The following UBA2 variants were observed in gnomAD, a reference collection of about 807,000 sequenced individuals.
UBA2 encodes SUMO-activating enzyme subunit 2.
UBA2 carries 11 observed loss-of-function variants against 77.2 expected under a neutral mutation model. That is an observed-to-expected ratio of 0.14 (90% CI 0.09 to 0.24). UBA2 has a LOEUF of 0.24. Ranked by LOEUF, UBA2 falls within the 10% of genes least tolerant of loss-of-function variation. UBA2 has a pLI of 1.00. For synonymous variants in UBA2, 278 were observed against 276.7 expected (o/e 1.00, Z -0.05); for missense variants, 487 against 781.7 (o/e 0.62, Z 4.50).
At position 34,450,288 on chromosome 19, in the gene UBA2, T is replaced by C. The variant is rs2075478398; in HGVS notation, c.795T>C (p.Tyr265=). Residue 265 remains tyrosine (Y), a synonymous_variant, in exon 9 of 17, where the codon TAT becomes TAC. Transcript: ENST00000246548. ...AGCTTTTTAAAGATGACATCAGGTATCTGTTGACAATGGACAAACTATGGC... is the reference window on the plus strand; with the variant it reads ...AGCTTTTTAAAGATGACATCAGGTACCTGTTGACAATGGACAAACTATGGC... ...FTKLFKDDIR[Y]LLTMDKLWRK... is the part of the protein sequence containing the mutation. 1.9e-6 allele frequency: 3 copies of C among 1,611,272 alleles called. No individual in the cohort carries two copies. The South Asian group carries it at 3.3e-5, about 18-fold the overall frequency.
intron 5 of UBA2, among the ~76,000 whole-genome samples, chr19:34,435,678 A>T (rs2075300598): frequency 6.6e-6 from 1 of 152,042 alleles, no homozygotes; most frequent in African/African-American, 2.4e-5. Flanking sequence ...AAAAATACAA[A>T]AATTAGCTGG....
At chr19:34,436,347 TGCAG>T (rs1401518886) in intron 5 of UBA2, among the ~76,000 whole-genome samples, 4 of 152,120 alleles carry the variant, frequency 2.6e-5, no homozygotes, top group Non-Finnish European at 5.9e-5. Context: ...TTGCCCAGGC[TGCAG>T]TGCAGTGGCG....
intron 15 of UBA2, among the ~76,000 whole-genome samples, chr19:34,464,557 T>TA (rs11284248): frequency 0.04 from 5,670 of 141,402 alleles, 172 homozygotes; most frequent in Admixed American, 0.11. Context: ...GACTCCAACT[T>TA]AAAAAAAAAA....
chr19:34,440,803 A>G (rs902638719), intron 6 of UBA2, among the ~76,000 whole-genome samples: 1 of 151,856 alleles, frequency 6.6e-6, no homozygotes, highest in South Asian at 2.1e-4. Flanking sequence ...GTGGGCGCCT[A>G]TAATCCCAGC....
At chr19:34,460,279 G>T (rs535232955) in intron 13 of UBA2, among the ~76,000 whole-genome samples, 191 bp from the exon 14 acceptor site, 39 of 152,320 alleles carry the variant, frequency 2.6e-4, no homozygotes, top group Non-Finnish European at 5.3e-4. Flanking sequence ...TGCATCAGTG[G>T]TCAGATGTGG....
At chr19:34,453,636 A>C (rs181356652) in intron 10 of UBA2, among the ~76,000 whole-genome samples, 96 of 148,804 alleles carry the variant, frequency 6.5e-4, no homozygotes, top group Non-Finnish European at 1.2e-3. Context: ...TGATCCCGCC[A>C]CCTCAGGCTC....
intron 5 of UBA2, among the ~76,000 whole-genome samples, chr19:34,436,606 C>T (rs1317885431): frequency 6.6e-6 from 1 of 152,136 alleles, no homozygotes; most frequent in Non-Finnish European, 1.5e-5. Flanking sequence ...GCACATATCT[C>T]AGTTTTTAAA....
At position 34,450,336 on chromosome 19, in the gene UBA2, G is replaced by A. The variant is rs749383552; in HGVS notation, c.843G>A (p.Pro281=). ...GGCGGAAAAGGAAACCTCCAGTTCC[G>A]TTGGACTGGGCTGAAGTACAAAGTC... is the stretch of plus-strand genomic sequence containing the variant. The part of the protein sequence containing the change: ...KLWRKRKPPV[P]LDWAEVQSQG... Residue 281 remains proline (P), a synonymous_variant, in exon 9 of 17, where the codon CCG becomes CCA. Transcript: ENST00000246548. 9.3e-6 allele frequency: 15 copies of A among 1,609,166 alleles called. No homozygotes were observed. The highest frequency in any genetic ancestry group is 1.3e-5 in the African/African-American group (1 of 74,680).
intron 7 of UBA2, 137 bp downstream of exon 7, chr19:34,444,048 T>TGG (rs1448237811): frequency 5.9e-6 from 1 of 169,758 alleles, no homozygotes; most frequent in Non-Finnish European, 1.2e-5. Flanking sequence ...TTTTTTGTTT[T>TGG]TTTTTTTTTT....
intron 6 of UBA2, among the ~76,000 whole-genome samples, chr19:34,441,771 A>G (rs1375489609): frequency 1.3e-5 from 2 of 151,760 alleles, no homozygotes; most frequent in Admixed American, 1.3e-4. Flanking sequence ...AAATACAAAA[A>G]TTAGTGGGGT....
rs2075260354 is a variant in UBA2 at position 34,431,942 on chromosome 19, G to A, written c.293+11G>A. 1.3e-6 allele frequency: 2 copies of A among 1,560,198 alleles called. No individual in the cohort carries two copies. The highest frequency in any genetic ancestry group is 1.7e-6 in the Non-Finnish European group (2 of 1,159,362). On this transcript the variant is annotated intron_variant, in intron 3 of 16. Transcript: ENST00000246548. ...TGACAGCATCATGAAGTATGCTATA[G>A]TGATTACATTGCAAAGTTGTATAAG...
chr19:34,452,679 CTTAATT>C (rs1286876889), intron 10 of UBA2, among the ~76,000 whole-genome samples: 4 of 152,148 alleles, frequency 2.6e-5, no homozygotes, highest in Admixed American at 6.5e-5. Context: ...ACTAATTTTA[CTTAATT>C]TTAATTGTAA....
chr19:34,461,902 CTT>C (rs2075635404), intron 14 of UBA2, among the ~76,000 whole-genome samples: 1 of 152,104 alleles, frequency 6.6e-6, no homozygotes, highest in African/African-American at 2.4e-5. Context: ...AGGGAGTACT[CTT>C]GGGTCAGTTT....
chr19:34,458,481 A>C (rs1599927577), intron 12 of UBA2, among the ~76,000 whole-genome samples: 2 of 137,694 alleles, frequency 1.5e-5, no homozygotes, highest in African/African-American at 5.4e-5. Context: ...AATGGCGTGA[A>C]CCCCAGGGGG....
At chr19:34,453,834 C>G (rs996900923) in intron 10 of UBA2, among the ~76,000 whole-genome samples, 1 of 152,078 alleles carries the variant, frequency 6.6e-6, no homozygotes, top group Non-Finnish European at 1.5e-5. Flanking sequence ...CAGCCTAAAA[C>G]AGTTTTCTTA....
intron 5 of UBA2, among the ~76,000 whole-genome samples, chr19:34,435,446 A>C (rs906933850): frequency 6.6e-6 from 1 of 152,210 alleles, no homozygotes; most frequent in African/African-American, 2.4e-5. Flanking sequence ...ACTATGGGCA[A>C]GGAAATCTTT....
chr19:34,462,465 G>A (rs2075641660), intron 14 of UBA2, among the ~76,000 whole-genome samples: 1 of 152,212 alleles, frequency 6.6e-6, no homozygotes, highest in South Asian at 2.1e-4. Flanking sequence ...GGGCTTGGAG[G>A]TGGAAATCTG....
intron 12 of UBA2, among the ~76,000 whole-genome samples, chr19:34,456,888 A>G (rs575704520): frequency 2.0e-5 from 3 of 151,874 alleles, no homozygotes; most frequent in Middle Eastern, 3.2e-3. Context: ...TTTAAAAAAA[A>G]TTTTTTATAG....
At chr19:34,438,933 G>A (rs117907537) in intron 6 of UBA2, among the ~76,000 whole-genome samples, 167 bp downstream of exon 6, 1 of 152,164 alleles carries the variant, frequency 6.6e-6, no homozygotes. Context: ...AGCTGGCCGG[G>A]TGCGGTGGCT....
Sources: gnomAD v4.1 joint callset for allele counts (sites outside exome capture counted in the v4.1 genomes callset) on GRCh38, gnomAD v4.1.1 for gene constraint, MANE v1.5 for transcripts, NCBI Gene and HGNC (gene_info 2026-07-23, HGNC 2026-07-21) for gene names.